The following TNIK variants were observed in gnomAD, a reference collection of about 807,000 sequenced individuals.
The protein encoded by TNIK is TRAF2 and NCK-interacting protein kinase.
TNIK carries 49 observed loss-of-function variants against 191.3 expected under a neutral mutation model. The ratio of observed to expected loss-of-function variants is 0.26; its 90% CI spans 0.20 to 0.32. TNIK has a LOEUF of 0.32. TNIK is among the 10% of genes least tolerant of loss of function. The pLI is 1.00. For missense variants in TNIK, 1,155 were observed against 1,702.3 expected (o/e 0.68, Z 5.66); for synonymous variants, 594 against 600.9 (o/e 0.99, Z 0.17).
chr3:171,278,097 G>A (rs1019939209), intron 2 of TNIK, among the ~76,000 whole-genome samples: 2 of 152,206 alleles, frequency 1.3e-5, no homozygotes, highest in African/African-American at 4.8e-5. Context: ...TAGCTCACCC[G>A]ATGGGGACGA....
At chr3:171,199,015 A>T (rs1739069287) in intron 4 of TNIK, among the ~76,000 whole-genome samples, 1 of 151,992 alleles carries the variant, frequency 6.6e-6, no homozygotes, top group Admixed American at 6.6e-5. Flanking sequence ...AAGCCCAGTG[A>T]CTCGAGTCTT....
intron 2 of TNIK, among the ~76,000 whole-genome samples, chr3:171,263,025 A>G (rs1320660019): frequency 6.6e-6 from 1 of 152,206 alleles, no homozygotes; most frequent in Non-Finnish European, 1.5e-5. Flanking sequence ...TTATAAAGCC[A>G]TATTGACTGT....
intron 18 of TNIK, among the ~76,000 whole-genome samples, chr3:171,111,386 G>A (rs1188697676): frequency 6.6e-6 from 1 of 152,156 alleles, no homozygotes; most frequent in East Asian, 1.9e-4. Flanking sequence ...CTGCACTCCA[G>A]CCTGGGCAAC....
At chr3:171,301,947 T>G (rs9842912) in intron 2 of TNIK, among the ~76,000 whole-genome samples, 63,202 of 151,998 alleles carry the variant, frequency 0.42, 13,666 homozygotes, top group Non-Finnish European at 0.47. Context: ...GGGAAAAAAT[T>G]TGTGTATACA....
chr3:171,103,709 G>A (rs1319563997), intron 21 of TNIK, among the ~76,000 whole-genome samples: 1 of 151,964 alleles, frequency 6.6e-6, no homozygotes, highest in African/African-American at 2.4e-5. Flanking sequence ...AATTTAAAGA[G>A]AGAATATGGT....
intron 2 of TNIK, among the ~76,000 whole-genome samples, chr3:171,262,231 T>C (rs1030061009): frequency 1.3e-5 from 2 of 152,136 alleles, no homozygotes; most frequent in Non-Finnish European, 2.9e-5. Flanking sequence ...CTGACCTTTT[T>C]AATAAAACAA....
intron 1 of TNIK, among the ~76,000 whole-genome samples, chr3:171,457,810 G>T (rs1179358286): frequency 6.6e-6 from 1 of 152,202 alleles, no homozygotes; most frequent in Non-Finnish European, 1.5e-5. Context: ...AAAAACAGAA[G>T]CAGAGCCCTA....
chr3:171,390,509 T>C (rs1719352688), intron 1 of TNIK, among the ~76,000 whole-genome samples: 1 of 152,206 alleles, frequency 6.6e-6, no homozygotes, highest in African/African-American at 2.4e-5. Context: ...TGCAAATGCC[T>C]ATGAAAAGCC....
chr3:171,153,411 A>T (rs1732731537), intron 12 of TNIK, among the ~76,000 whole-genome samples: 2 of 152,128 alleles, frequency 1.3e-5, no homozygotes, highest in Non-Finnish European at 2.9e-5. Context: ...AACTGCATGG[A>T]TTGTACTACT....
chr3:171,175,360 C>T (rs1410914228), intron 8 of TNIK, 30 bp from the exon 9 acceptor site: 3 of 1,582,366 alleles, frequency 1.9e-6, no homozygotes, highest in Non-Finnish European at 2.6e-6. Context: ...GGGCCAGCTA[C>T]AGTTAGGAGG....
intron 15 of TNIK, among the ~76,000 whole-genome samples, chr3:171,133,080 G>A (rs1729529587): frequency 6.6e-6 from 1 of 152,232 alleles, no homozygotes; most frequent in Admixed American, 6.5e-5. Context: ...TACTGAGCAA[G>A]TTTGAGGATG....
intron 7 of TNIK, among the ~76,000 whole-genome samples, chr3:171,183,319 C>A (rs1249862968): frequency 6.6e-6 from 1 of 152,220 alleles, no homozygotes; most frequent in Non-Finnish European, 1.5e-5. Flanking sequence ...TCCATTATCA[C>A]AAAGCAGAGA....
intron 4 of TNIK, among the ~76,000 whole-genome samples, chr3:171,202,230 A>G (rs1369470950): frequency 6.6e-6 from 1 of 151,772 alleles, no homozygotes; most frequent in Non-Finnish European, 1.5e-5. Context: ...TTTTGGTAGG[A>G]GTAAGTCACT....
intron 1 of TNIK, among the ~76,000 whole-genome samples, chr3:171,372,399 A>G (rs1716626662): frequency 1.3e-5 from 2 of 152,098 alleles, no homozygotes; most frequent in Non-Finnish European, 2.9e-5. Flanking sequence ...AAAACCTGAG[A>G]CTCCCTGAGA....
At chr3:171,097,376 A>C (rs989335773) in intron 22 of TNIK, among the ~76,000 whole-genome samples, 3 of 152,236 alleles carry the variant, frequency 2.0e-5, no homozygotes, top group African/African-American at 4.8e-5. Flanking sequence ...AACAAATTTG[A>C]TACTACTATA....
chr3:171,213,207 A>G (rs1285380369), intron 3 of TNIK, among the ~76,000 whole-genome samples: 3 of 151,876 alleles, frequency 2.0e-5, no homozygotes, highest in Admixed American at 1.3e-4. Flanking sequence ...TATGGTGCAC[A>G]TTGGCTATTT....
chr3:171,080,271 T>G (rs1426149708), intron 27 of TNIK, among the ~76,000 whole-genome samples: 1 of 152,072 alleles, frequency 6.6e-6, no homozygotes, highest in Admixed American at 6.6e-5. Context: ...TATTGAAGAG[T>G]ACACAAGTAG....
intron 1 of TNIK, among the ~76,000 whole-genome samples, chr3:171,408,253 G>A (rs1286428793): frequency 1.3e-5 from 2 of 152,016 alleles, no homozygotes; most frequent in Admixed American, 1.3e-4. Context: ...TACCACATTA[G>A]GGCTTTTTTT....
chr3:171,312,528 A>C (rs532676641), intron 2 of TNIK, among the ~76,000 whole-genome samples: 1 of 152,072 alleles, frequency 6.6e-6, no homozygotes, highest in Non-Finnish European at 1.5e-5. Context: ...GATGTGCCCA[A>C]ATTGCCTTGT....
Sources: allele counts gnomAD v4.1 joint callset (sites outside exome capture counted in the v4.1 genomes callset), GRCh38; gene constraint gnomAD v4.1.1; transcripts MANE v1.5; gene names NCBI Gene and HGNC (gene_info 2026-07-23, HGNC 2026-07-21).